MON2: variants seen among roughly 807,000 people sequenced by gnomAD.
MON2 encodes protein MON2 homolog.
Under a neutral mutation model 208.6 loss-of-function variants are expected in MON2, and 84 were observed. The ratio of observed to expected loss-of-function variants is 0.40; its 90% CI spans 0.34 to 0.48. The LOEUF (loss-of-function observed/expected upper bound fraction) is 0.48, where lower values mean the gene tolerates loss of function less well. Among genes scored for constraint, MON2 ranks in the 20% least tolerant of loss-of-function variants. The probability of loss-of-function intolerance (pLI) is 0.59; values close to 1 mark genes in which losing one functional copy is unlikely to be tolerated. For missense variants in MON2, 1,611 were observed against 2,015.4 expected (o/e 0.80, Z 3.84); for synonymous variants, 660 against 694.0 (o/e 0.95, Z 0.77).
intron 15 of MON2, 82 bp downstream of exon 15, chr12:62,537,345 G>A (rs2073024900): frequency 5.2e-6 from 5 of 960,364 alleles, no homozygotes; most frequent in Non-Finnish European, 7.9e-6. Flanking sequence ...GCCAAAATGT[G>A]TCATACATTT....
chr12:62,545,940 T>G (rs1156627118), intron 21 of MON2, among the ~76,000 whole-genome samples: 1 of 152,184 alleles, frequency 6.6e-6, no homozygotes, highest in Admixed American at 6.5e-5. Context: ...AGCTTAATAC[T>G]TAGTGCATAG....
intron 12 of MON2, among the ~76,000 whole-genome samples, chr12:62,532,957 A>T (rs558310030): frequency 6.6e-6 from 1 of 152,292 alleles, no homozygotes; most frequent in Non-Finnish European, 1.5e-5. Flanking sequence ...CACCATCAGA[A>T]ATTTAACATC....
rs1241208451 is a variant in MON2, at chr12:62,544,953, C to T, written c.2522C>T (p.Ser841Phe). Residue 841 changes from serine (S) to phenylalanine (F), a missense_variant, in exon 21 of 35, where the codon TCT becomes TTT. Ser to Phe is a radical substitution (Grantham distance 155). Coordinates refer to ENST00000393630, the MANE Select transcript of MON2 (RefSeq NM_015026.3). ...MREWGAEALT[S>F]LIKAGLTFNH... ...GAATGGGGAGCAGAAGCTTTAACTT[C>T]TCTTATTAAAGCAGGATTAACATTT... 8 of 1,608,938 alleles carry T rather than the reference C, an allele frequency of 5.0e-6. No homozygotes were observed. Among genetic ancestry groups the T allele is most frequent in the South Asian group, 1.1e-5 (1 of 89,762 alleles).
intron 3 of MON2, 104 bp downstream of exon 3, chr12:62,494,146 T>C (rs1489413506): frequency 9.3e-7 from 1 of 1,070,508 alleles, no homozygotes; most frequent in Non-Finnish European, 1.3e-6. Flanking sequence ...CTTTTACAAA[T>C]AGCAATGTGC....
intron 13 of MON2, 151 bp downstream of exon 13, chr12:62,535,077 C>G: frequency 1.7e-6 from 1 of 604,488 alleles, no homozygotes; most frequent in Non-Finnish European, 2.8e-6. Context: ...CCCCCTTCCT[C>G]ATTCTGTCCT....
In MON2 at chr12:62,566,019, AC is replaced by A. The variant is rs1455041894; in HGVS notation, c.4183del (p.Leu1395TyrfsTer8). 6.2e-7 allele frequency: 1 copy of A among 1,610,744 alleles called. No homozygotes were observed. The highest frequency in any genetic ancestry group is 8.5e-7 in the Non-Finnish European group (1 of 1,178,374). On this transcript the variant is annotated frameshift_variant, in exon 28 of 35. Transcript: ENST00000393630. LOFTEE classifies it high-confidence loss of function. ...ACACAATGGAATCACAATAGATCCA[AC>A]TATTTGCACCGGTGAGTTAAATTTC... ...IANAKYNQIQLFAPAEWVALN... is the reference protein window; with the variant it reads ...IANAKYNQIQXFAPAEWVALN...
chr12:62,484,503 G>T (rs1019043442), intron 2 of MON2, among the ~76,000 whole-genome samples: 1 of 152,094 alleles, frequency 6.6e-6, no homozygotes, highest in Admixed American at 6.5e-5. Context: ...ACTCATCTTC[G>T]CATTCTCCTC....
chr12:62,535,364 T>G (rs2072917454), intron 13 of MON2, among the ~76,000 whole-genome samples, 161 bp from the exon 14 acceptor site: 1 of 152,210 alleles, frequency 6.6e-6, no homozygotes, highest in Admixed American at 6.5e-5. Context: ...TTTGAGGTTA[T>G]GTTAATAGAT....
chr12:62,552,724 A>G (rs544282656), intron 23 of MON2, among the ~76,000 whole-genome samples, 157 bp from the exon 24 acceptor site: 1 of 152,258 alleles, frequency 6.6e-6, no homozygotes. Context: ...TGACAGAAGA[A>G]GAGATGTTTT....
chr12:62,560,412 T>TA, intron 25 of MON2, 79 bp from the exon 26 acceptor site: 1 of 1,386,836 alleles, frequency 7.2e-7, no homozygotes, highest in Non-Finnish European at 9.7e-7. Flanking sequence ...ATTAAGCAAA[T>TA]ATGCTTTCAA....
At chr12:62,479,410 A>ATG (rs200014983) in intron 1 of MON2, among the ~76,000 whole-genome samples, 17,479 of 141,900 alleles carry the variant, frequency 0.12, 1,393 homozygotes, top group Middle Eastern at 0.27. Flanking sequence ...GTATTTTAAA[A>ATG]TGTGTGTGTG....
chr12:62,508,553 T>A, intron 8 of MON2, 73 bp downstream of exon 8: 1 of 1,374,110 alleles, frequency 7.3e-7, no homozygotes, highest in Non-Finnish European at 1.0e-6. Context: ...TGGTCTGTTG[T>A]AGCGCATTTA....
chr12:62,577,615 TAA>T (rs993277151), intron 30 of MON2, among the ~76,000 whole-genome samples: 2 of 152,074 alleles, frequency 1.3e-5, no homozygotes, highest in African/African-American at 4.8e-5. Flanking sequence ...ATCATTTACT[TAA>T]AGTGTGTTCT....
intron 8 of MON2, among the ~76,000 whole-genome samples, chr12:62,513,194 G>A (rs531684792): frequency 2.0e-5 from 3 of 152,272 alleles, no homozygotes; most frequent in African/African-American, 7.2e-5. Context: ...TCTACAGCCA[G>A]CTTGAAATTC....
chr12:62,582,676 G>A (rs552659771), intron 32 of MON2, among the ~76,000 whole-genome samples: 1 of 151,774 alleles, frequency 6.6e-6, no homozygotes, highest in Admixed American at 6.6e-5. Flanking sequence ...AAAGTGTCTT[G>A]AACTTGATTG....
At chr12:62,494,306 T>A (rs1047538221) in intron 3 of MON2, among the ~76,000 whole-genome samples, 2 of 152,214 alleles carry the variant, frequency 1.3e-5, no homozygotes, top group African/African-American at 4.8e-5. Flanking sequence ...AGTTTTCAAT[T>A]TAATTGGTTA....
intron 30 of MON2, among the ~76,000 whole-genome samples, chr12:62,572,805 G>A (rs530132696): frequency 1.1e-4 from 16 of 152,128 alleles, no homozygotes; most frequent in South Asian, 2.1e-4. Flanking sequence ...GAATGATACC[G>A]TGTACTGCTA....
intron 7 of MON2, among the ~76,000 whole-genome samples, chr12:62,505,705 A>C (rs2071063000): frequency 6.6e-6 from 1 of 150,884 alleles, no homozygotes; most frequent in South Asian, 2.1e-4. Flanking sequence ...ACATAGTGAG[A>C]CCTTGTCTCT....
At chr12:62,473,352 A>T (rs1199576555) in intron 1 of MON2, among the ~76,000 whole-genome samples, 1 of 152,178 alleles carries the variant, frequency 6.6e-6, no homozygotes, top group East Asian at 1.9e-4. Flanking sequence ...ATGTGAGTCC[A>T]TGTGAGTCCA....
Sources: gnomAD v4.1 joint callset for allele counts (sites outside exome capture counted in the v4.1 genomes callset) on GRCh38, gnomAD v4.1.1 for gene constraint, MANE v1.5 for transcripts, NCBI Gene and HGNC (gene_info 2026-07-23, HGNC 2026-07-21) for gene names.